The following INPP5A variants were observed in gnomAD, a reference collection of about 807,000 sequenced individuals.
The protein encoded by INPP5A is inositol polyphosphate-5-phosphatase A, also known as 43 kDa inositol polyphosphate 5-phophatase.
INPP5A carries 14 observed loss-of-function variants against 65.2 expected under a neutral mutation model. The ratio of observed to expected loss-of-function variants is 0.21; its 90% CI spans 0.14 to 0.34. The LOEUF (loss-of-function observed/expected upper bound fraction) is 0.34, where lower values mean the gene tolerates loss of function less well. Ranked by LOEUF, INPP5A falls within the 10% of genes least tolerant of loss-of-function variation. The pLI is 1.00. For missense variants in INPP5A, 431 were observed against 545.6 expected, an observed-to-expected ratio of 0.79 and a Z score of 2.09; for synonymous variants, 207 against 208.3, an observed-to-expected ratio of 0.99 and a Z score of 0.05.
At chr10:132,592,081 G>C (rs2071626737) in intron 1 of INPP5A, among the ~76,000 whole-genome samples, 1 of 152,184 alleles carries the variant, frequency 6.6e-6, no homozygotes, top group Non-Finnish European at 1.5e-5. Context: ...TATAAGGCTA[G>C]AGTATAGAAC....
chr10:132,729,477 G>A (rs1846044277), intron 9 of INPP5A, among the ~76,000 whole-genome samples: 1 of 152,218 alleles, frequency 6.6e-6, no homozygotes, highest in Non-Finnish European at 1.5e-5. Flanking sequence ...GACCCCGCCA[G>A]GGAGGGTGGG....
intron 9 of INPP5A, among the ~76,000 whole-genome samples, chr10:132,736,651 A>G (rs1564991307): frequency 6.6e-6 from 1 of 152,254 alleles, no homozygotes; most frequent in Non-Finnish European, 1.5e-5. Context: ...AGTGGAGACC[A>G]TGGCCGGCAA....
chr10:132,702,701 C>G (rs1348491182), intron 6 of INPP5A, among the ~76,000 whole-genome samples: 4 of 152,232 alleles, frequency 2.6e-5, no homozygotes, highest in Non-Finnish European at 5.9e-5. Flanking sequence ...GGGCACAGCT[C>G]TGACGCACAT....
intron 1 of INPP5A, among the ~76,000 whole-genome samples, chr10:132,592,367 A>G (rs1227910237): frequency 6.6e-6 from 1 of 152,208 alleles, no homozygotes; most frequent in Non-Finnish European, 1.5e-5. Flanking sequence ...GTCTTACTAT[A>G]GACATTATAC....
chr10:132,727,769 G>A lies in INPP5A; in HGVS notation c.732+864G>A, dbSNP rs1590961984. Among the ~76,000 whole-genome samples, 1 of 152,176 alleles carries A rather than the reference G, an allele frequency of 6.6e-6. No individual in the cohort carries two copies. The highest frequency in any genetic ancestry group is 6.5e-5 in the Admixed American group (1 of 15,282). On this transcript the variant is annotated intron_variant, in intron 9 of 15. Transcript: ENST00000368594. The surrounding 1 kb of genome is among the most constrained non-coding windows in gnomAD (Gnocchi z 6.5). ...CAGCGGGGCCACAGTAAGTTGGATG[G>A]GGCCACGGTGAGTCAGATGGGGACA...
chr10:132,755,931 A>G (rs1846600242), intron 11 of INPP5A, among the ~76,000 whole-genome samples: 1 of 152,204 alleles, frequency 6.6e-6, no homozygotes, highest in Non-Finnish European at 1.5e-5. Flanking sequence ...CGTTTGGCAC[A>G]TGTACCTGGC....
intron 1 of INPP5A, among the ~76,000 whole-genome samples, chr10:132,553,241 G>A (rs1445957980): frequency 5.9e-5 from 5 of 84,800 alleles, no homozygotes; most frequent in Admixed American, 2.2e-4. Context: ...TGGAATATTG[G>A]GTAGGATAGG....
At chr10:132,691,167 C>A (rs534453194) in intron 5 of INPP5A, among the ~76,000 whole-genome samples, 38 of 152,312 alleles carry the variant, frequency 2.5e-4, no homozygotes, top group African/African-American at 8.9e-4. Context: ...GGAGACGGAG[C>A]GGCTCCTGTG....
At chr10:132,613,691 C>A (rs2071990516) in intron 2 of INPP5A, among the ~76,000 whole-genome samples, 2 of 152,216 alleles carry the variant, frequency 1.3e-5, no homozygotes, top group Non-Finnish European at 2.9e-5. Flanking sequence ...GACTTTGTTT[C>A]TTAGGCTATC....
chr10:132,768,574 C>T (rs550019456), intron 12 of INPP5A, among the ~76,000 whole-genome samples: 20 of 152,244 alleles, frequency 1.3e-4, no homozygotes, highest in African/African-American at 3.1e-4. Flanking sequence ...CACTCTTCCC[C>T]GTGCAGCTCT....
intron 8 of INPP5A, among the ~76,000 whole-genome samples, chr10:132,720,489 C>T (rs1845849343): frequency 2.0e-5 from 3 of 150,350 alleles, no homozygotes; most frequent in Admixed American, 1.3e-4. Context: ...TGTCTGGGTG[C>T]CTTAGACAGC....
At chr10:132,722,128 G>A (rs761522322) in intron 8 of INPP5A, among the ~76,000 whole-genome samples, 29 of 152,190 alleles carry the variant, frequency 1.9e-4, no homozygotes, top group Non-Finnish European at 2.9e-4. Context: ...TTATACTGTC[G>A]ATGTTTTTGC....
In INPP5A at chr10:132,574,318, G is replaced by A. The variant is rs192582885; in HGVS notation, c.76-33597G>A. ...GGAGGTTTTGTTGAGATTTTGGGTTGTACGTGCCGTGGGAGGTTTTGTTGA... is the reference window on the plus strand; with the variant it reads ...GGAGGTTTTGTTGAGATTTTGGGTTATACGTGCCGTGGGAGGTTTTGTTGA... On this transcript the variant is annotated intron_variant, in intron 1 of 15. Coordinates refer to ENST00000368594, the MANE Select transcript of INPP5A (RefSeq NM_005539.5). Among the ~76,000 whole-genome samples, 161 of 141,936 alleles carry A rather than the reference G, an allele frequency of 1.1e-3. 2 individuals are homozygous for A. Among genetic ancestry groups the A allele is most frequent in the African/African-American group, 4.1e-3 (151 of 36,514 alleles). The allele number at this position is 141,936 out of a possible 152,430, so 93.1% of individuals were successfully genotyped here.
In INPP5A at chr10:132,644,767, C is replaced by T. The variant is rs886434106; in HGVS notation, c.118-1101C>T. 6.6e-6 allele frequency among the ~76,000 whole-genome samples: 1 copy of T among 152,230 alleles called. No homozygotes were observed. Among genetic ancestry groups the T allele is most frequent in the Non-Finnish European group, 1.5e-5 (1 of 68,042 alleles). On this transcript the variant is annotated intron_variant, in intron 2 of 15. Transcript: ENST00000368594. The surrounding 1 kb of genome is among the most constrained non-coding windows in gnomAD (Gnocchi z 6.5). Reference sequence around the variant, plus strand: ...TGGAAGCGCTGCGCATCCTGTGTTCCAGGGGAGCGGGGTCAATCAGTGCCT... The same window carrying T: ...TGGAAGCGCTGCGCATCCTGTGTTCTAGGGGAGCGGGGTCAATCAGTGCCT...
At chr10:132,765,578 T>A (rs1197003134) in intron 11 of INPP5A, among the ~76,000 whole-genome samples, 195 bp from the exon 12 acceptor site, 1 of 152,076 alleles carries the variant, frequency 6.6e-6, no homozygotes, top group East Asian at 1.9e-4. Flanking sequence ...GCAGGGCAGG[T>A]CCCACTGTCT....
chr10:132,571,721 C>G (rs559712804), intron 1 of INPP5A, among the ~76,000 whole-genome samples: 1 of 152,182 alleles, frequency 6.6e-6, no homozygotes, highest in African/African-American at 2.4e-5. Context: ...GTAAGGACCT[C>G]GAGTGTCTGA....
intron 9 of INPP5A, among the ~76,000 whole-genome samples, chr10:132,749,189 T>C (rs1205085117): frequency 6.6e-6 from 1 of 152,246 alleles, no homozygotes; most frequent in Non-Finnish European, 1.5e-5. Flanking sequence ...GCACCCTCTT[T>C]GCTGTTCTCA....
At chr10:132,756,750 G>A (rs1846627082) in intron 11 of INPP5A, among the ~76,000 whole-genome samples, 1 of 152,258 alleles carries the variant, frequency 6.6e-6, no homozygotes, top group South Asian at 2.1e-4. Context: ...CCTGTAAACA[G>A]CCTCAGGCAG....
At chr10:132,592,404 A>AT (rs573520568) in intron 1 of INPP5A, among the ~76,000 whole-genome samples, 1 of 151,674 alleles carries the variant, frequency 6.6e-6, no homozygotes, top group African/African-American at 2.4e-5. Flanking sequence ...TGGGGCAAAA[A>AT]TGTTTGTTTG....
Sources: gnomAD v4.1 joint callset for allele counts (sites outside exome capture counted in the v4.1 genomes callset) on GRCh38, gnomAD v4.1.1 for gene constraint, Gnocchi (gnomAD v3.1) non-coding constraint, MANE v1.5 for transcripts, NCBI Gene and HGNC (gene_info 2026-07-23, HGNC 2026-07-21) for gene names.